ERC2: variants seen among roughly 807,000 people sequenced by gnomAD.
The protein encoded by ERC2 is ERC protein 2.
Under a neutral mutation model 114.8 loss-of-function variants are expected in ERC2, and 42 were observed. The observed-to-expected ratio is 0.37, with a 90% confidence interval of 0.29 to 0.47. ERC2 has a LOEUF of 0.47. Ranked by LOEUF, ERC2 falls within the 20% of genes least tolerant of loss-of-function variation. The probability of loss-of-function intolerance (pLI) is 0.99; values close to 1 mark genes in which losing one functional copy is unlikely to be tolerated. For synonymous variants in ERC2, 454 were observed against 425.5 expected (o/e 1.07, Z -0.82); for missense variants, 939 against 1,150.7 (o/e 0.82, Z 2.66).
chr3:56,393,636 A>C (rs890552370), intron 2 of ERC2, among the ~76,000 whole-genome samples: 1 of 152,210 alleles, frequency 6.6e-6, no homozygotes, highest in Non-Finnish European at 1.5e-5. Context: ...TTCTGTATTT[A>C]TATTAGGACA....
intron 14 of ERC2, among the ~76,000 whole-genome samples, chr3:55,851,705 C>A (rs1202158328): frequency 6.6e-6 from 1 of 150,652 alleles, no homozygotes; most frequent in Non-Finnish European, 1.5e-5. Flanking sequence ...TTAAAAAATC[C>A]AAAAATCCCA....
chr3:56,274,605 C>T (rs985343761), intron 3 of ERC2, among the ~76,000 whole-genome samples: 2 of 152,094 alleles, frequency 1.3e-5, no homozygotes, highest in East Asian at 1.9e-4. Context: ...TAAAAACTGT[C>T]GTAACAAGTC....
intron 2 of ERC2, among the ~76,000 whole-genome samples, chr3:56,378,612 C>G (rs1404522390): frequency 6.6e-6 from 1 of 151,460 alleles, no homozygotes; most frequent in African/African-American, 2.4e-5. Flanking sequence ...GAAACTGGTT[C>G]TCAAGATTGT....
At chr3:56,438,035 T>C (rs2062106432) in intron 1 of ERC2, among the ~76,000 whole-genome samples, 1 of 152,248 alleles carries the variant, frequency 6.6e-6, no homozygotes. Flanking sequence ...TTGCATACTC[T>C]AAATTTTCTA....
At chr3:56,242,185 A>G (rs12634374) in intron 3 of ERC2, among the ~76,000 whole-genome samples, 29,375 of 149,768 alleles carry the variant, frequency 0.2, 3,448 homozygotes, top group East Asian at 0.52. Context: ...ACTTGGATGG[A>G]GGCCATTTTT....
At chr3:56,109,732 T>C (rs538470814) in intron 6 of ERC2, among the ~76,000 whole-genome samples, 1 of 152,320 alleles carries the variant, frequency 6.6e-6, no homozygotes, top group African/African-American at 2.4e-5. Context: ...TGAAATTGCT[T>C]TGACTTTGTA....
chr3:55,597,813 A>C (rs542110182), intron 17 of ERC2, among the ~76,000 whole-genome samples: 1 of 152,366 alleles, frequency 6.6e-6, no homozygotes, highest in South Asian at 2.1e-4. Flanking sequence ...CTTCATAGAG[A>C]TATAGACCTT....
At chr3:56,106,405 A>G (rs748300488) in intron 6 of ERC2, among the ~76,000 whole-genome samples, 109 of 152,224 alleles carry the variant, frequency 7.2e-4, no homozygotes, top group Non-Finnish European at 1.4e-3. Flanking sequence ...GAAGGAACCA[A>G]AAGTATTAAT....
At chr3:55,583,387 T>TTCCTTCCTTCTTTCCTTCCTTCC (rs1559692058) in intron 17 of ERC2, among the ~76,000 whole-genome samples, 144 of 127,734 alleles carry the variant, frequency 1.1e-3, no homozygotes, top group Non-Finnish European at 1.3e-3. Flanking sequence ...TCCTTCTTTC[T>TTCCTTCCTTCTTTCCTTCCTTCC]TTCCTTCCTT....
chr3:55,845,502 T>C (rs1270300729), intron 14 of ERC2, among the ~76,000 whole-genome samples: 1 of 39,672 alleles, frequency 2.5e-5, no homozygotes, highest in Non-Finnish European at 4.2e-5. Flanking sequence ...AGACTCCGTC[T>C]CAAAAAAAAA....
intron 2 of ERC2, among the ~76,000 whole-genome samples, chr3:56,424,534 C>T (rs1186894574): frequency 6.6e-6 from 1 of 152,192 alleles, no homozygotes. Flanking sequence ...ACATCTGTGA[C>T]AAAGATGTAT....
intron 6 of ERC2, among the ~76,000 whole-genome samples, chr3:56,081,207 GACT>G (rs1288655509): frequency 6.6e-6 from 1 of 151,450 alleles, no homozygotes; most frequent in Non-Finnish European, 1.5e-5. Flanking sequence ...AAAAAAATAA[GACT>G]TCTTTGAAAT....
Position 56,311,255 on chromosome 3 carries a change from C to CTCTCTCTA in ERC2, c.658-14821_658-14820insTAGAGAGA, listed in dbSNP as rs1314796268. ...CTTCTCTCTCTCTCTCTCTCTCTCT[C>CTCTCTCTA]TATATATATATATATATATATATAT... On this transcript the variant is annotated intron_variant, in intron 2 of 17. Coordinates refer to ENST00000288221, the MANE Select transcript of ERC2 (RefSeq NM_015576.3). 1.0e-4 allele frequency among the ~76,000 whole-genome samples: 8 copies of CTCTCTCTA among 79,058 alleles called. No homozygotes were observed. In the East Asian group the frequency reaches 1.1e-3, roughly 10 times the overall value. The allele number at this position is 79,058 out of a possible 152,430, so 51.9% of individuals were successfully genotyped here. A position where few individuals can be genotyped will look rare whatever the true frequency, so the allele number is the denominator to read the frequency against.
At chr3:56,204,253 G>C (rs1256138518) in intron 3 of ERC2, among the ~76,000 whole-genome samples, 1 of 152,100 alleles carries the variant, frequency 6.6e-6, no homozygotes, top group Non-Finnish European at 1.5e-5. Context: ...AGTGCCATGA[G>C]GACAGGGGTT....
chr3:55,964,937 C>G (rs1238289992), intron 12 of ERC2, among the ~76,000 whole-genome samples: 1 of 152,192 alleles, frequency 6.6e-6, no homozygotes, highest in Non-Finnish European at 1.5e-5. Flanking sequence ...GGCCTTCTAC[C>G]TAAGCAGTTC....
At chr3:55,815,701 G>T (rs560972650) in intron 14 of ERC2, among the ~76,000 whole-genome samples, 5 of 152,198 alleles carry the variant, frequency 3.3e-5, no homozygotes, top group Middle Eastern at 3.2e-3. Context: ...TGTGTAATTC[G>T]TTATGGCGGC....
chr3:55,792,430 T>A (rs2149079845), intron 14 of ERC2, among the ~76,000 whole-genome samples: 1 of 152,284 alleles, frequency 6.6e-6, no homozygotes. Context: ...TAATATATAA[T>A]TTTATTGTTG....
chr3:55,540,625 A>T (rs2054331639), intron 17 of ERC2, among the ~76,000 whole-genome samples: 1 of 152,176 alleles, frequency 6.6e-6, no homozygotes, highest in South Asian at 2.1e-4. Flanking sequence ...GAAGGAGGTG[A>T]ACCAGAGTAT....
At chr3:55,952,661 T>C (rs941798545) in intron 12 of ERC2, among the ~76,000 whole-genome samples, 6 of 152,146 alleles carry the variant, frequency 3.9e-5, no homozygotes, top group Non-Finnish European at 8.8e-5. Context: ...AATAATCTTA[T>C]TACTTTAGAA....
Sources: gnomAD v4.1 joint callset for allele counts (sites outside exome capture counted in the v4.1 genomes callset) on GRCh38, gnomAD v4.1.1 for gene constraint, MANE v1.5 for transcripts, NCBI Gene and HGNC (gene_info 2026-07-23, HGNC 2026-07-21) for gene names.